The following MBD3 variants were observed in gnomAD, a reference collection of about 807,000 sequenced individuals.
MBD3 encodes methyl-CpG-binding domain protein 3.
A neutral mutation model predicts 31.2 loss-of-function variants in MBD3; 13 were observed. The observed-to-expected ratio is 0.42, with a 90% confidence interval of 0.27 to 0.66. The LOEUF is 0.66. Among genes scored for constraint, MBD3 ranks in the 30% least tolerant of loss-of-function variants. MBD3 has a pLI of 0.26. For synonymous variants in MBD3, 223 were observed against 187.4 expected (o/e 1.19, Z -1.55); for missense variants, 440 against 426.5 (o/e 1.03, Z -0.28).
chr19:1,584,707 TG>T (rs1276685852), intron 2 of MBD3, 30 bp from the exon 3 acceptor site: 2 of 1,602,132 alleles, frequency 1.2e-6, no homozygotes, highest in South Asian at 1.1e-5. Flanking sequence ...CAGTCCGGCC[TG>T]GGGGCGCCCC....
In MBD3 at chr19:1,576,397, A is replaced by C. The variant is rs958647586; in HGVS notation, c.*1767T>G. The C allele has an allele frequency of 6.6e-6, 1 of 152,186 alleles. No individual in the cohort carries two copies. Among genetic ancestry groups the C allele is most frequent in the Non-Finnish European group, 1.5e-5 (1 of 68,074 alleles). 9.4% of individuals were successfully genotyped at this position (152,186 alleles called of 1,614,324 possible). Reference sequence around the variant, plus strand: ...TTTGGAAGGAGCGGTGCTGGGTCTGAGCCCCAGCCCATCTTCCTCACCGGG... The same window carrying C: ...TTTGGAAGGAGCGGTGCTGGGTCTGCGCCCCAGCCCATCTTCCTCACCGGG... On this transcript the variant is annotated 3_prime_UTR_variant, in exon 7 of 7. Transcript: ENST00000434436.
chr19:1,591,242 A>G (rs763498832), intron 1 of MBD3, among the ~76,000 whole-genome samples: 8 of 152,190 alleles, frequency 5.3e-5, no homozygotes, highest in Non-Finnish European at 1.2e-4. Context: ...GTTCCAGCTC[A>G]TAAGGGTACA....
At position 1,575,230 on chromosome 19, in the gene MBD3, G is replaced by A. The variant is rs919689795; in HGVS notation, c.*2934C>T. 19 of 430,324 alleles carry A rather than the reference G, an allele frequency of 4.4e-5. No homozygotes were observed. The highest frequency in any genetic ancestry group is 8.1e-5 in the Non-Finnish European group (17 of 209,418). 26.7% of individuals were successfully genotyped at this position (430,324 alleles called of 1,614,324 possible). On this transcript the variant is annotated 3_prime_UTR_variant, in exon 7 of 7. Transcript: ENST00000434436. ...GGATCACCTGAGGTTAGGAGTTCCA[G>A]ACCAGACTGGCCAACATGGTGAAAC... is the stretch of plus-strand genomic sequence containing the variant.
At chr19:1,583,710 A>G (rs2060664155) in intron 3 of MBD3, among the ~76,000 whole-genome samples, 1 of 152,214 alleles carries the variant, frequency 6.6e-6, no homozygotes, top group African/African-American at 2.4e-5. Flanking sequence ...AAAACTTAAA[A>G]AAATGAATAA....
At chr19:1,579,182 A>C (rs1273965766) in intron 5 of MBD3, among the ~76,000 whole-genome samples, 2 of 68,950 alleles carry the variant, frequency 2.9e-5, no homozygotes, top group African/African-American at 1.1e-4. Context: ...AGATTCTGCC[A>C]AAAAAAAAAA....
At chr19:1,582,013 C>A (rs1055106853) in intron 4 of MBD3, among the ~76,000 whole-genome samples, 1 of 152,150 alleles carries the variant, frequency 6.6e-6, no homozygotes, top group Admixed American at 6.6e-5. Context: ...ATGATCCGCC[C>A]GCCTTGGCCT....
rs781053291 is a variant in MBD3, at chr19:1,592,511, C to T, written c.110+11G>A. On this transcript the variant is annotated intron_variant, in intron 1 of 6. Coordinates refer to ENST00000434436, the MANE Select transcript of MBD3 (RefSeq NM_001281453.2). ...CCGTTGAGGCCCTGCGCGGCCGGCG[C>T]GCTCATTCACCTATAGTAAAAGACA... is the stretch of plus-strand genomic sequence containing the variant. 2 of 1,379,620 alleles carry T rather than the reference C, an allele frequency of 1.4e-6. No individual in the cohort carries two copies. Among genetic ancestry groups the T allele is most frequent in the African/African-American group, 3.1e-5 (2 of 65,052 alleles). 85.5% of individuals were successfully genotyped at this position (1,379,620 alleles called of 1,614,324 possible). A position where few individuals can be genotyped will look rare whatever the true frequency, so the allele number is the denominator to read the frequency against.
At chr19:1,588,859 T>C (rs938985270) in intron 1 of MBD3, among the ~76,000 whole-genome samples, 1 of 128,598 alleles carries the variant, frequency 7.8e-6, no homozygotes, top group African/African-American at 3.0e-5. Context: ...AGACTGGGGG[T>C]GGGCGCACAA....
chr19:1,591,541 G>C (rs899683679), intron 1 of MBD3, among the ~76,000 whole-genome samples: 2 of 152,140 alleles, frequency 1.3e-5, no homozygotes, highest in Non-Finnish European at 2.9e-5. Flanking sequence ...GAAAAAGGGG[G>C]ACCAGCCGCA....
rs577679142 is a variant in MBD3 at position 1,592,134 on chromosome 19, C to G, written c.110+388G>C. The G allele has an allele frequency of 3.0e-4, 45 of 152,534 alleles. No homozygotes were observed. In the Middle Eastern group the frequency reaches 0.017, roughly 57 times the overall value. The allele number at this position is 152,534 out of a possible 1,614,324, so 9.4% of individuals were successfully genotyped here. A position where few individuals can be genotyped will look rare whatever the true frequency, so the allele number is the denominator to read the frequency against. On this transcript the variant is annotated intron_variant, in intron 1 of 6. Transcript: ENST00000434436. ...CCCCGAAATCCCGGCTGGCCACCCC[C>G]TCGGGCTCCGCGCCACCCCAGGAGC...
In MBD3 at chr19:1,578,657, C is replaced by T; in HGVS notation, c.678-119G>A. 1.3e-6 allele frequency: 2 copies of T among 1,585,656 alleles called. No individual in the cohort carries two copies. Among genetic ancestry groups the T allele is most frequent in the Admixed American group, 3.3e-5 (2 of 59,856 alleles). On this transcript the variant is annotated intron_variant, in intron 5 of 6. Transcript: ENST00000434436. The surrounding 1 kb of genome is among the most constrained non-coding windows in gnomAD (Gnocchi z 6.1). ...CCCGAGGGATCCACAGGCACCCCCC[C>T]AGGACCAGCCCTGGCCCGTGCCACC...
intron 1 of MBD3, among the ~76,000 whole-genome samples, chr19:1,591,622 G>A (rs988142865): frequency 3.3e-5 from 5 of 152,058 alleles, no homozygotes; most frequent in South Asian, 2.1e-4. Flanking sequence ...GGACCTGAAG[G>A]CGCCACGGGA....
intron 3 of MBD3, 81 bp downstream of exon 3, chr19:1,584,459 G>C: frequency 6.3e-7 from 1 of 1,584,320 alleles, no homozygotes; most frequent in Non-Finnish European, 8.6e-7. Context: ...TCCGCTCCAC[G>C]TACGACCTCA....
rs776675296 is a variant in MBD3, at chr19:1,585,156, T to A, written c.169A>T (p.Met57Leu). The A allele has an allele frequency of 6.2e-7, 1 of 1,610,332 alleles. No individual in the cohort carries two copies. The highest frequency in any genetic ancestry group is 1.7e-5 in the Admixed American group (1 of 59,976). ...PQLARYLGGS[M>L]DLSTFDFRTG... ...CGGAAGTCGAAGGTGCTCAGGTCCATGGAGCCGCCCAGGTAGCGCGCCAGC... is the reference window on the plus strand; with the variant it reads ...CGGAAGTCGAAGGTGCTCAGGTCCAAGGAGCCGCCCAGGTAGCGCGCCAGC... Residue 57 changes from methionine to leucine, a missense_variant, in exon 2 of 7, where the codon ATG becomes TTG. This residue lies in a region of MBD3 where 179 missense variants were observed against 134.7 expected (regional missense o/e 1.33). Transcript: ENST00000434436. The surrounding 1 kb of genome is among the most constrained non-coding windows in gnomAD (Gnocchi z 4.1).
chr19:1,581,480 C>T (rs1037428279), intron 4 of MBD3: 18 of 614,276 alleles, frequency 2.9e-5, no homozygotes, highest in Admixed American at 1.8e-4. Context: ...TGGCGACTCC[C>T]GCCTGTAATC....
At position 1,575,202 on chromosome 19, in the gene MBD3, G is replaced by A. The variant is rs1271904831; in HGVS notation, c.*2962C>T. 4 of 434,816 alleles carry A rather than the reference G, an allele frequency of 9.2e-6. No individual in the cohort carries two copies. The highest frequency in any genetic ancestry group is 2.0e-5 in the African/African-American group (1 of 49,650). 26.9% of individuals were successfully genotyped at this position (434,816 alleles called of 1,614,324 possible). A position where few individuals can be genotyped will look rare whatever the true frequency, so the allele number is the denominator to read the frequency against. Reference sequence around the variant, plus strand: ...CCCGGCAATTTGGGAAGCTGGGGCGGGCGGATCACCTGAGGTTAGGAGTTC... The same window carrying A: ...CCCGGCAATTTGGGAAGCTGGGGCGAGCGGATCACCTGAGGTTAGGAGTTC... On this transcript the variant is annotated 3_prime_UTR_variant, in exon 7 of 7. Coordinates refer to ENST00000434436, the MANE Select transcript of MBD3 (RefSeq NM_001281453.2).
chr19:1,578,267 T>A lies in MBD3; in HGVS notation c.*5+68A>T. ...GGAGGCACCCGTCATCCCAAGCACA[T>A]CTGTGTTCACCAGGCAGTCCCCACT... On this transcript the variant is annotated intron_variant, in intron 6 of 6. Coordinates refer to ENST00000434436, the MANE Select transcript of MBD3 (RefSeq NM_001281453.2). The surrounding 1 kb of genome is among the most constrained non-coding windows in gnomAD (Gnocchi z 6.1). 6.3e-7 allele frequency: 1 copy of A among 1,595,106 alleles called. No individual in the cohort carries two copies. The highest frequency in any genetic ancestry group is 8.5e-7 in the Non-Finnish European group (1 of 1,177,614).
chr19:1,583,433 G>A (rs1346364036), intron 3 of MBD3: 3 of 150,806 alleles, frequency 2.0e-5, no homozygotes, highest in Non-Finnish European at 3.0e-5. Context: ...AAATACACAC[G>A]GTTCTCAGGT....
At position 1,584,494 on chromosome 19, in the gene MBD3, G is replaced by C. The variant is rs778866232; in HGVS notation, c.408+46C>G. 2.5e-6 allele frequency: 4 copies of C among 1,607,878 alleles called. No individual in the cohort carries two copies. The African/African-American group carries it at 4.0e-5, about 16-fold the overall frequency. On this transcript the variant is annotated intron_variant, in intron 3 of 6. Coordinates refer to ENST00000434436, the MANE Select transcript of MBD3 (RefSeq NM_001281453.2). The stretch of plus-strand genomic sequence containing the variant: ...ATTCCAAACGTCCACCCACCAAAGT[G>C]AACAACCCGGCCGGGAAGGCTGGGG...
Sources: gnomAD v4.1 joint callset for allele counts (sites outside exome capture counted in the v4.1 genomes callset) on GRCh38, gnomAD v4.1.1 for gene constraint, gnomAD v4.1.1 regional missense constraint, Gnocchi (gnomAD v3.1) non-coding constraint, MANE v1.5 for transcripts, NCBI Gene and HGNC (gene_info 2026-07-23, HGNC 2026-07-21) for gene names.